NID2: variants seen among roughly 807,000 people sequenced by gnomAD.
NID2 encodes nidogen 2, also known as nidogen-2.
In NID2, 83 loss-of-function variants were observed where a neutral mutation model predicts 145.4. That is an observed-to-expected ratio of 0.57 (90% CI 0.48 to 0.69). The LOEUF is 0.69. NID2 is among the 30% of genes least tolerant of loss of function. The pLI, the probability that NID2 is intolerant of heterozygous loss-of-function variation, is 0.00. For synonymous variants in NID2, 739 were observed against 701.3 expected (o/e 1.05, Z -0.85); for missense variants, 1,807 against 1,765.7 (o/e 1.02, Z -0.42).
intron 18 of NID2, 71 bp downstream of exon 18, chr14:52,010,805 T>C (rs151318723): frequency 6.1e-6 from 9 of 1,472,480 alleles, no homozygotes; most frequent in East Asian, 2.3e-5. Flanking sequence ...CTTCCCCACA[T>C]TGTATTTAAA....
intron 2 of NID2, among the ~76,000 whole-genome samples, chr14:52,063,153 C>A (rs1893067473): frequency 6.6e-6 from 1 of 152,220 alleles, no homozygotes; most frequent in Non-Finnish European, 1.5e-5. Context: ...TCTCAAAAAA[C>A]TCCTTGACTG....
Position 52,005,328 on chromosome 14 carries a change from T to TTTCACAAAAGTC in NID2, c.*146_*157dup. ...AGTAGTAAAGATTGAGGTATCAGCT[T>TTTCACAAAAGTC]TTCACAAAAGTCTTTTTGCACTACA... On this transcript the variant is annotated 3_prime_UTR_variant, in exon 22 of 22. Coordinates refer to ENST00000216286, the MANE Select transcript of NID2 (RefSeq NM_007361.4). 1.8e-6 allele frequency: 1 copy of TTTCACAAAAGTC among 547,796 alleles called. No individual in the cohort carries two copies. Among genetic ancestry groups the TTTCACAAAAGTC allele is most frequent in the Non-Finnish European group, 3.0e-6 (1 of 337,336 alleles). The allele number at this position is 547,796 out of a possible 1,614,324, so 33.9% of individuals were successfully genotyped here. A position where few individuals can be genotyped will look rare whatever the true frequency, so the allele number is the denominator to read the frequency against.
At chr14:52,019,734 G>A (rs955999222) in intron 13 of NID2, among the ~76,000 whole-genome samples, 3 of 152,170 alleles carry the variant, frequency 2.0e-5, no homozygotes, top group Admixed American at 6.5e-5. Flanking sequence ...GGCTACCGGC[G>A]CATAAGGCTC....
chr14:52,017,717 T>C (rs1229395672), intron 14 of NID2, among the ~76,000 whole-genome samples: 1 of 152,166 alleles, frequency 6.6e-6, no homozygotes, highest in Non-Finnish European at 1.5e-5. Context: ...TCTGTACCTT[T>C]TTTGGACCTT....
chr14:52,011,213 C>T (rs777661166), intron 17 of NID2, among the ~76,000 whole-genome samples, 166 bp from the exon 18 acceptor site: 8 of 152,194 alleles, frequency 5.3e-5, no homozygotes, highest in Non-Finnish European at 1.2e-4. Context: ...ACTTTTGTTA[C>T]ATATTCCACT....
chr14:52,057,086 G>A (rs1892870586), intron 3 of NID2, among the ~76,000 whole-genome samples: 1 of 152,140 alleles, frequency 6.6e-6, no homozygotes, highest in Admixed American at 6.5e-5. Flanking sequence ...CACCCAGGCT[G>A]GAGCATAGTG....
At chr14:52,053,056 T>C (rs1302793650) in intron 5 of NID2, among the ~76,000 whole-genome samples, 3 of 152,168 alleles carry the variant, frequency 2.0e-5, no homozygotes, top group Admixed American at 1.3e-4. Flanking sequence ...CACAGGTGTT[T>C]AGTCATTTTC....
At chr14:52,056,692 T>C (rs1019344709) in intron 3 of NID2, among the ~76,000 whole-genome samples, 3 of 152,128 alleles carry the variant, frequency 2.0e-5, no homozygotes, top group African/African-American at 4.8e-5. Context: ...CTCTGGAGGC[T>C]AAGGCAGAAG....
chr14:52,038,888 A>G lies in NID2; in HGVS notation c.2116T>C (p.Tyr706His). The G allele has an allele frequency of 6.2e-7, 1 of 1,614,152 alleles. No individual in the cohort carries two copies. Among genetic ancestry groups the G allele is most frequent in the Non-Finnish European group, 8.5e-7 (1 of 1,180,022 alleles). Residue 706 changes from tyrosine (Y) to histidine (H), a missense_variant, in exon 9 of 22, where the codon TAC becomes CAC. By Grantham distance (83) the Tyr-to-His change is moderately conservative. Transcript: ENST00000216286. ...CTGGGGGCGTGCCTGCACACCTGGT[A>G]AGTGATGTTCTGGTGGATGCGGTAG... The part of the protein sequence containing the change: ...WSYRIHQNIT[Y>H]QVCRHAPRHP...
chr14:52,067,039 A>G lies in NID2; in HGVS notation c.534+819T>C, dbSNP rs541660842. On this transcript the variant is annotated intron_variant, in intron 2 of 21. Transcript: ENST00000216286. Reference sequence around the variant, plus strand: ...CCTGGAAGGCAATTAGGCAGAAGTTATCAAGAACTTTATCAAAAGTGCATC... The same window carrying G: ...CCTGGAAGGCAATTAGGCAGAAGTTGTCAAGAACTTTATCAAAAGTGCATC... 3.9e-5 allele frequency among the ~76,000 whole-genome samples: 6 copies of G among 152,364 alleles called. No individual in the cohort carries two copies. In the East Asian group the frequency reaches 1.2e-3, roughly 29 times the overall value.
chr14:52,020,649 A>C (rs1215212224), intron 12 of NID2, among the ~76,000 whole-genome samples: 2 of 152,292 alleles, frequency 1.3e-5, no homozygotes, highest in East Asian at 3.9e-4. Context: ...GAGCCAGATG[A>C]GGCCCAAATA....
intron 5 of NID2, among the ~76,000 whole-genome samples, chr14:52,045,796 A>G (rs773232520): frequency 2.6e-5 from 4 of 152,222 alleles, no homozygotes; most frequent in Non-Finnish European, 5.9e-5. Flanking sequence ...AAGGGCCATC[A>G]GGACTTTCTC....
chr14:52,006,791 A>G, intron 19 of NID2, 131 bp from the exon 20 acceptor site: 2 of 967,952 alleles, frequency 2.1e-6, no homozygotes, highest in Non-Finnish European at 3.1e-6. Flanking sequence ...ATAGATTAGC[A>G]ACTGTAAAAT....
At chr14:52,065,839 A>C (rs1484421162) in intron 2 of NID2, among the ~76,000 whole-genome samples, 1 of 139,386 alleles carries the variant, frequency 7.2e-6, no homozygotes, top group African/African-American at 2.8e-5. Flanking sequence ...TGAACTCATC[A>C]TTTTTTAAGG....
chr14:52,030,427 C>T (rs1461875264), intron 9 of NID2, among the ~76,000 whole-genome samples: 2 of 146,802 alleles, frequency 1.4e-5, no homozygotes, highest in Non-Finnish European at 3.0e-5. Context: ...AGTTTGAAGC[C>T]AGGAGTTCAA....
chr14:52,017,798 G>C (rs990072130), intron 14 of NID2, among the ~76,000 whole-genome samples: 2 of 151,896 alleles, frequency 1.3e-5, no homozygotes, highest in African/African-American at 4.8e-5. Context: ...TTACCTATCT[G>C]AGAACCGCCA....
rs1363289488 is a variant in NID2 at position 52,038,918 on chromosome 14, A to G, written c.2086T>C (p.Trp696Arg). Residue 696 changes from tryptophan to arginine, a missense_variant, in exon 9 of 22, where the codon TGG becomes CGG. Trp to Arg is a moderately radical substitution (Grantham distance 101, BLOSUM62 -3). Transcript: ENST00000216286. ...SLTFGAINQT[W>R]SYRIHQNITY... is the part of the protein sequence containing the mutation. The stretch of plus-strand genomic sequence containing the variant: ...ATGTTCTGGTGGATGCGGTAGGACC[A>G]TGTTTGGTTGATTGCACCAAAAGTC... 1.9e-6 allele frequency: 3 copies of G among 1,614,002 alleles called. No homozygotes were observed. The highest frequency in any genetic ancestry group is 2.5e-6 in the Non-Finnish European group (3 of 1,180,010).
At chr14:52,023,076 C>G (rs1376387260) in intron 12 of NID2, among the ~76,000 whole-genome samples, 2 of 152,220 alleles carry the variant, frequency 1.3e-5, no homozygotes, top group Non-Finnish European at 2.9e-5. Context: ...TTGCCTCCTC[C>G]TATAACCACA....
At chr14:52,015,447 ACTT>A (rs1210028914) in intron 14 of NID2, among the ~76,000 whole-genome samples, 172 bp from the exon 15 acceptor site, 1 of 152,210 alleles carries the variant, frequency 6.6e-6, no homozygotes, top group African/African-American at 2.4e-5. Context: ...TGTTCTAAGT[ACTT>A]CTCCACCATG....
Sources: gnomAD v4.1 joint callset for allele counts (sites outside exome capture counted in the v4.1 genomes callset) on GRCh38, gnomAD v4.1.1 for gene constraint, MANE v1.5 for transcripts, NCBI Gene and HGNC (gene_info 2026-07-23, HGNC 2026-07-21) for gene names.